The following EDN1 variants were observed in gnomAD, a reference collection of about 807,000 sequenced individuals.
EDN1 encodes endothelin-1.
EDN1 carries 11 observed loss-of-function variants against 21.7 expected under a neutral mutation model. The observed-to-expected ratio is 0.51, with a 90% confidence interval of 0.32 to 0.84. The LOEUF (loss-of-function observed/expected upper bound fraction) is 0.84. Ranked by LOEUF, EDN1 falls within the 40% of genes least tolerant of loss-of-function variation. The probability of loss-of-function intolerance (pLI) is 0.03; values close to 1 mark genes in which losing one functional copy is unlikely to be tolerated. For missense variants in EDN1, 244 were observed against 262.3 expected, an observed-to-expected ratio of 0.93 and a Z score of 0.48; for synonymous variants, 85 against 90.6, an observed-to-expected ratio of 0.94 and a Z score of 0.35.
In EDN1 at chr6:12,292,503, C is replaced by A. The variant is rs776827646; in HGVS notation, c.227C>A (p.Thr76Asn). The A allele has an allele frequency of 6.2e-7, 1 of 1,614,194 alleles. No individual in the cohort carries two copies. Among genetic ancestry groups the A allele is most frequent in the South Asian group, 1.1e-5 (1 of 91,082 alleles). The change falls in exon 2 of 5, where the codon ACT (threonine) becomes AAT (asparagine). Residue 76 changes from threonine (T) to asparagine (N), a missense_variant. Coordinates refer to ENST00000379375, the MANE Select transcript of EDN1 (RefSeq NM_001955.5). Reference sequence around the variant, plus strand: ...CACCTGGACATCATTTGGGTCAACACTCCCGAGTAAGTCTCTAGAGGGCAT... The same window carrying A: ...CACCTGGACATCATTTGGGTCAACAATCCCGAGTAAGTCTCTAGAGGGCAT... ...FCHLDIIWVNTPEHVVPYGLG... is the reference protein window; with the variant it reads ...FCHLDIIWVNNPEHVVPYGLG...
the EDN1 span, among the ~76,000 whole-genome samples, chr6:12,239,667 G>C: frequency 9.9e-3 from 1,511 of 152,268 alleles, 123 homozygotes; most frequent in East Asian, 0.2. Context: ...CCAGCACTTT[G>C]GGAGGCTGAG....
At chr6:12,266,337 G>A in the EDN1 span, among the ~76,000 whole-genome samples, 1 of 152,168 alleles carries the variant, frequency 6.6e-6, no homozygotes, top group Non-Finnish European at 1.5e-5. Flanking sequence ...ACTCAAAATG[G>A]AATGTCAGGT....
chr6:12,256,369 A>C, the EDN1 span, among the ~76,000 whole-genome samples: 3 of 152,190 alleles, frequency 2.0e-5, no homozygotes, highest in South Asian at 6.2e-4. Context: ...CAAAACCGCA[A>C]AACAAACAAA....
At chr6:12,274,902 C>T in the EDN1 span, among the ~76,000 whole-genome samples, 4 of 151,238 alleles carry the variant, frequency 2.6e-5, no homozygotes, top group African/African-American at 9.7e-5. Flanking sequence ...GGACTGGGTA[C>T]TGGCTGCTAG....
At chr6:12,278,730 G>C in the EDN1 span, among the ~76,000 whole-genome samples, 43,554 of 151,704 alleles carry the variant, frequency 0.29, 7,294 homozygotes, top group African/African-American at 0.46. Context: ...AACCCCGTCT[G>C]AACTAAAAAT....
the EDN1 span, among the ~76,000 whole-genome samples, chr6:12,234,240 A>G: frequency 6.6e-6 from 1 of 152,228 alleles, no homozygotes; most frequent in African/African-American, 2.4e-5. Context: ...GAAACTGGAA[A>G]TGCTCCCTCA....
chr6:12,280,115 T>A, the EDN1 span, among the ~76,000 whole-genome samples: 2 of 152,212 alleles, frequency 1.3e-5, no homozygotes, highest in South Asian at 4.1e-4. Flanking sequence ...CTTTAATTTA[T>A]CTGTGAAAAA....
At chr6:12,244,393 T>A in the EDN1 span, among the ~76,000 whole-genome samples, 2 of 152,250 alleles carry the variant, frequency 1.3e-5, no homozygotes, top group African/African-American at 4.8e-5. Context: ...ATTAGAAAAG[T>A]CTTTGAGGCA....
chr6:12,263,164 G>A, the EDN1 span, among the ~76,000 whole-genome samples: 1 of 152,298 alleles, frequency 6.6e-6, no homozygotes, highest in African/African-American at 2.4e-5. Flanking sequence ...AAAAGAAAAT[G>A]TATTGAATAT....
At chr6:12,277,388 C>T in the EDN1 span, among the ~76,000 whole-genome samples, 1 of 152,196 alleles carries the variant, frequency 6.6e-6, no homozygotes, top group Non-Finnish European at 1.5e-5. Flanking sequence ...TTCTATGTCG[C>T]CTCACATATC....
the EDN1 span, among the ~76,000 whole-genome samples, chr6:12,247,224 T>C: frequency 1.3e-5 from 2 of 152,180 alleles, no homozygotes. Context: ...TTTCTGTGAT[T>C]CCAATTCCTG....
At chr6:12,232,927 A>G in the EDN1 span, among the ~76,000 whole-genome samples, 1 of 152,338 alleles carries the variant, frequency 6.6e-6, no homozygotes, top group Middle Eastern at 3.4e-3. Context: ...AAAGAGGGAC[A>G]GGTCACTTTC....
chr6:12,288,794 G>A (rs1762608094), upstream of EDN1, among the ~76,000 whole-genome samples: 1 of 152,118 alleles, frequency 6.6e-6, no homozygotes. Context: ...GAAGGAGGAG[G>A]GAAAAAAGGT....
chr6:12,249,002 T>G, the EDN1 span, among the ~76,000 whole-genome samples: 1 of 152,240 alleles, frequency 6.6e-6, no homozygotes, highest in Admixed American at 6.5e-5. Flanking sequence ...ATCTTCTAAT[T>G]ATTTAGCACA....
chr6:12,255,648 T>G, the EDN1 span, among the ~76,000 whole-genome samples: 1 of 152,234 alleles, frequency 6.6e-6, no homozygotes, highest in East Asian at 1.9e-4. Context: ...CAACTGGCTT[T>G]CTAGCGTCCC....
At chr6:12,237,353 C>A in the EDN1 span, among the ~76,000 whole-genome samples, 1 of 152,064 alleles carries the variant, frequency 6.6e-6, no homozygotes, top group East Asian at 1.9e-4. Context: ...AACCTTTTAA[C>A]CTCAAAGAAT....
the EDN1 span, among the ~76,000 whole-genome samples, chr6:12,245,318 G>A: frequency 6.6e-6 from 1 of 152,192 alleles, no homozygotes; most frequent in Non-Finnish European, 1.5e-5. Flanking sequence ...CTAGGAAACT[G>A]GCGGTGGAAC....
the EDN1 span, among the ~76,000 whole-genome samples, chr6:12,282,926 A>G: frequency 6.6e-6 from 1 of 152,176 alleles, no homozygotes; most frequent in Non-Finnish European, 1.5e-5. Flanking sequence ...TAGCAATATC[A>G]ATAAATGCTA....
At chr6:12,235,284 G>A in the EDN1 span, among the ~76,000 whole-genome samples, 2 of 152,292 alleles carry the variant, frequency 1.3e-5, no homozygotes, top group Admixed American at 6.5e-5. Flanking sequence ...TAGAAAGTCT[G>A]TCCTGCTCAG....
Sources: gnomAD v4.1 joint callset for allele counts (sites outside exome capture counted in the v4.1 genomes callset) on GRCh38, gnomAD v4.1.1 for gene constraint, MANE v1.5 for transcripts, NCBI Gene and HGNC (gene_info 2026-07-23, HGNC 2026-07-21) for gene names.